ADAMTSL1: variants seen among roughly 807,000 people sequenced by gnomAD.
ADAMTSL1 encodes the protein ADAMTS-like protein 1.
ADAMTSL1 carries 126 observed loss-of-function variants against 201.8 expected under a neutral mutation model. The observed-to-expected ratio is 0.62, with a 90% CI of 0.54 to 0.72. The LOEUF is 0.72. Among genes scored for constraint, ADAMTSL1 ranks in the 30% least tolerant of loss-of-function variants. The pLI, the probability that ADAMTSL1 is intolerant of heterozygous loss-of-function variation, is 0.00. For synonymous variants in ADAMTSL1, 1,121 were observed against 903.4 expected (o/e 1.24, Z -4.32); for missense variants, 2,679 against 2,277.8 (o/e 1.18, Z -3.59).
intron 1 of ADAMTSL1, among the ~76,000 whole-genome samples, chr9:18,065,133 A>G (rs933817491): frequency 1.3e-5 from 2 of 152,114 alleles, no homozygotes; most frequent in Non-Finnish European, 2.9e-5. Flanking sequence ...GTAAATTTGT[A>G]GAAAACTTTT....
chr9:18,351,489 G>C (rs1249523210), intron 2 of ADAMTSL1, among the ~76,000 whole-genome samples: 1 of 151,974 alleles, frequency 6.6e-6, no homozygotes, highest in African/African-American at 2.4e-5. Context: ...TGGGAAATGT[G>C]ATGAGAGAAG....
chr9:17,992,789 G>A (rs530175254), intron 1 of ADAMTSL1, among the ~76,000 whole-genome samples: 2 of 152,220 alleles, frequency 1.3e-5, no homozygotes, highest in East Asian at 1.9e-4. Flanking sequence ...TATAACTTAC[G>A]AGAAGAAAAC....
At chr9:18,558,140 C>T (rs1467783413) in intron 3 of ADAMTSL1, among the ~76,000 whole-genome samples, 1 of 152,132 alleles carries the variant, frequency 6.6e-6, no homozygotes, top group East Asian at 1.9e-4. Flanking sequence ...GTTATTTCTC[C>T]TAATGCTATC....
intron 3 of ADAMTSL1, among the ~76,000 whole-genome samples, chr9:18,543,996 C>G (rs767620758): frequency 5.9e-5 from 9 of 152,262 alleles, no homozygotes; most frequent in Admixed American, 3.9e-4. Context: ...CTGACTCTCT[C>G]GGGAGGGTTC....
chr9:18,746,667 CA>C (rs1819163878), intron 15 of ADAMTSL1, among the ~76,000 whole-genome samples: 1 of 151,280 alleles, frequency 6.6e-6, no homozygotes, highest in African/African-American at 2.4e-5. Flanking sequence ...ACATTTATAC[CA>C]GCAATAAACA....
chr9:18,496,014 G>T (rs1483995482), intron 1 of ADAMTSL1, among the ~76,000 whole-genome samples: 1 of 152,122 alleles, frequency 6.6e-6, no homozygotes, highest in Non-Finnish European at 1.5e-5. Context: ...TCTTCAAAAT[G>T]ACATTCTTAA....
At chr9:18,497,834 C>A (rs980977121) in intron 1 of ADAMTSL1, among the ~76,000 whole-genome samples, 1 of 152,164 alleles carries the variant, frequency 6.6e-6, no homozygotes, top group East Asian at 1.9e-4. Context: ...TCTAGAAGAG[C>A]TATAATCCAG....
intron 2 of ADAMTSL1, among the ~76,000 whole-genome samples, chr9:18,417,924 AACACTATAGAGC>A (rs1370968721): frequency 5.3e-5 from 8 of 152,208 alleles, no homozygotes; most frequent in Admixed American, 5.2e-4. Context: ...AATAAAAAAT[AACACTATAGAGC>A]ACAAAAATTC....
At chr9:18,460,411 G>T (rs183934990) in intron 2 of ADAMTSL1, among the ~76,000 whole-genome samples, 7 of 152,218 alleles carry the variant, frequency 4.6e-5, no homozygotes, top group African/African-American at 1.7e-4. Flanking sequence ...AACTTCTTCA[G>T]CCCTAACCAA....
chr9:18,152,308 A>G (rs1160815088), intron 1 of ADAMTSL1, among the ~76,000 whole-genome samples: 2 of 151,996 alleles, frequency 1.3e-5, no homozygotes, highest in Admixed American at 6.6e-5. Context: ...ATGAGATTTT[A>G]GTAGAAGGAG....
intron 2 of ADAMTSL1, among the ~76,000 whole-genome samples, chr9:18,349,561 C>A (rs1219191925): frequency 6.6e-6 from 1 of 152,132 alleles, no homozygotes; most frequent in Non-Finnish European, 1.5e-5. Flanking sequence ...AGGTGTAATG[C>A]AATTGTGTGG....
At chr9:17,934,425 A>T (rs1826920051) in intron 1 of ADAMTSL1, among the ~76,000 whole-genome samples, 1 of 152,074 alleles carries the variant, frequency 6.6e-6, no homozygotes, top group South Asian at 2.1e-4. Context: ...TGTTATAATA[A>T]CTTTCTCAAC....
chr9:17,992,484 AC>A (rs1327786858), intron 1 of ADAMTSL1, among the ~76,000 whole-genome samples: 1 of 152,126 alleles, frequency 6.6e-6, no homozygotes, highest in African/African-American at 2.4e-5. Flanking sequence ...GAATGCTTGT[AC>A]TTGGTCCCTT....
chr9:18,481,906 G>T (rs959656519), intron 1 of ADAMTSL1, among the ~76,000 whole-genome samples: 2 of 152,094 alleles, frequency 1.3e-5, no homozygotes, highest in African/African-American at 4.8e-5. Flanking sequence ...GTTTTCATCT[G>T]CCCCACTATC....
chr9:18,181,768 C>A (rs1010940584), intron 2 of ADAMTSL1, among the ~76,000 whole-genome samples: 11 of 151,396 alleles, frequency 7.3e-5, no homozygotes, highest in African/African-American at 2.2e-4. Flanking sequence ...ACCATTTGAC[C>A]CAGCCATCCC....
chr9:18,876,654 AC>A (rs1177058388), intron 23 of ADAMTSL1, among the ~76,000 whole-genome samples: 1 of 152,154 alleles, frequency 6.6e-6, no homozygotes, highest in Non-Finnish European at 1.5e-5. Flanking sequence ...TTTATGGGTT[AC>A]CTGATACTTT....
At chr9:18,380,945 T>C (rs9298792) in intron 2 of ADAMTSL1, among the ~76,000 whole-genome samples, 70,209 of 152,080 alleles carry the variant, frequency 0.46, 17,220 homozygotes, top group East Asian at 0.65. Flanking sequence ...GACATCCCGA[T>C]TGGTCTTGAT....
chr9:18,469,800 C>T (rs1418803938), upstream of ADAMTSL1, among the ~76,000 whole-genome samples: 4 of 152,210 alleles, frequency 2.6e-5, no homozygotes, highest in African/African-American at 9.6e-5. Context: ...TGCCTCACTT[C>T]CTCCTTCCGA....
intron 1 of ADAMTSL1, among the ~76,000 whole-genome samples, chr9:18,074,594 T>A (rs2131745544): frequency 6.6e-6 from 1 of 151,420 alleles, no homozygotes; most frequent in African/African-American, 2.4e-5. Flanking sequence ...TTTGTTGTTG[T>A]TGTTATTGTT....
Sources: allele counts gnomAD v4.1 joint callset (sites outside exome capture counted in the v4.1 genomes callset), GRCh38; gene constraint gnomAD v4.1.1; transcripts MANE v1.5; gene names NCBI Gene and HGNC (gene_info 2026-07-23, HGNC 2026-07-21).